The following NELL1 variants were observed in gnomAD, a reference collection of about 807,000 sequenced individuals.
NELL1 encodes protein kinase C-binding protein NELL1.
NELL1 carries 76 observed loss-of-function variants against 107.4 expected under a neutral mutation model. The ratio of observed to expected loss-of-function variants is 0.71; its 90% CI spans 0.59 to 0.86. The LOEUF (loss-of-function observed/expected upper bound fraction) is 0.86. Among genes scored for constraint, NELL1 ranks in the 40% least tolerant of loss-of-function variants. The pLI is 0.00. For synonymous variants in NELL1, 353 were observed against 341.2 expected (o/e 1.03, Z -0.38); for missense variants, 1,024 against 1,005.5 (o/e 1.02, Z -0.25).
rs1850762351 is a variant in NELL1 at position 20,937,956 on chromosome 11, G to C, written c.1071+97G>C. ...TTCTTGAGTGGGGCATATTGGCCTG[G>C]ATAGGGCCCCGAGGGGTGGAACTCT... On this transcript the variant is annotated intron_variant, in intron 10 of 19. Coordinates refer to ENST00000357134, the MANE Select transcript of NELL1 (RefSeq NM_006157.5). 5.0e-5 allele frequency: 58 copies of C among 1,171,268 alleles called. No individual in the cohort carries two copies. In the South Asian group the frequency reaches 7.1e-4, roughly 14 times the overall value. The allele number at this position is 1,171,268 out of a possible 1,614,324, so 72.6% of individuals were successfully genotyped here. A position where few individuals can be genotyped will look rare whatever the true frequency, so the allele number is the denominator to read the frequency against.
chr11:21,322,448 A>G (rs1002120621), intron 14 of NELL1, among the ~76,000 whole-genome samples: 3 of 152,156 alleles, frequency 2.0e-5, no homozygotes, highest in Non-Finnish European at 4.4e-5. Context: ...CTCCTACAAG[A>G]GTAGATTTTA....
intron 3 of NELL1, among the ~76,000 whole-genome samples, chr11:20,819,250 G>C (rs914868272): frequency 1.3e-5 from 2 of 152,208 alleles, no homozygotes; most frequent in East Asian, 3.8e-4. Context: ...TTTCAGTCTA[G>C]ATAAAAGCGG....
intron 15 of NELL1, among the ~76,000 whole-genome samples, chr11:21,396,255 T>C (rs1170528245): frequency 6.6e-6 from 1 of 151,568 alleles, no homozygotes; most frequent in African/African-American, 2.4e-5. Context: ...TTTTCTAATT[T>C]TCCAGTGCCA....
intron 17 of NELL1, among the ~76,000 whole-genome samples, chr11:21,568,889 G>GGAA (rs1386641316): frequency 1.5e-4 from 23 of 150,662 alleles, no homozygotes; most frequent in African/African-American, 5.6e-4. Context: ...TTTATAAGTA[G>GGAA]GAAGAATACA....
chr11:21,384,137 G>A (rs1851679146), intron 15 of NELL1, among the ~76,000 whole-genome samples: 1 of 151,856 alleles, frequency 6.6e-6, no homozygotes, highest in Non-Finnish European at 1.5e-5. Flanking sequence ...TCTAGATGAT[G>A]GCATAAAACC....
intron 16 of NELL1, among the ~76,000 whole-genome samples, chr11:21,550,994 G>T (rs1045390802): frequency 2.7e-5 from 4 of 150,590 alleles, no homozygotes; most frequent in African/African-American, 9.8e-5. Flanking sequence ...TCTTCCATTT[G>T]GTTTTATCCT....
chr11:20,972,387 T>G (rs1427994910), intron 12 of NELL1, among the ~76,000 whole-genome samples: 2 of 151,898 alleles, frequency 1.3e-5, no homozygotes, highest in African/African-American at 4.8e-5. Context: ...GGCTAATTCT[T>G]GGAGTTAGCA....
chr11:21,519,546 T>G (rs531837201), intron 15 of NELL1, among the ~76,000 whole-genome samples: 1 of 11,996 alleles, frequency 8.3e-5, no homozygotes, highest in Non-Finnish European at 7.1e-4. Flanking sequence ...TTGTTTTTTG[T>G]TTTTTTTTTT....
At chr11:21,040,712 A>G (rs1305523052) in intron 12 of NELL1, among the ~76,000 whole-genome samples, 2 of 152,144 alleles carry the variant, frequency 1.3e-5, no homozygotes, top group Non-Finnish European at 2.9e-5. Flanking sequence ...AGTTCATCCA[A>G]TTTCAGTAGT....
intron 4 of NELL1, among the ~76,000 whole-genome samples, chr11:20,866,158 G>A (rs1466166913): frequency 1.3e-5 from 2 of 152,218 alleles, no homozygotes; most frequent in Admixed American, 6.5e-5. Flanking sequence ...TGCGCAAGGA[G>A]CTTGAAGTGG....
intron 15 of NELL1, among the ~76,000 whole-genome samples, chr11:21,474,418 T>A (rs1364457455): frequency 6.6e-6 from 1 of 152,092 alleles, no homozygotes; most frequent in African/African-American, 2.4e-5. Context: ...CAGGGACTTT[T>A]ATCTTGCTTG....
intron 3 of NELL1, among the ~76,000 whole-genome samples, chr11:20,796,965 A>AGATGAGG (rs1244859113): frequency 2.7e-4 from 41 of 152,198 alleles, no homozygotes; most frequent in African/African-American, 9.9e-4. Flanking sequence ...AAGAGGTGAG[A>AGATGAGG]GATGAGGGAT....
chr11:21,350,903 C>CTCA (rs1458934921), intron 14 of NELL1, among the ~76,000 whole-genome samples: 2 of 152,106 alleles, frequency 1.3e-5, no homozygotes, highest in Non-Finnish European at 2.9e-5. Flanking sequence ...AGTCCTAACC[C>CTCA]TCATTACTTA....
intron 15 of NELL1, among the ~76,000 whole-genome samples, chr11:21,514,108 A>G (rs925720556): frequency 6.6e-6 from 1 of 152,264 alleles, no homozygotes; most frequent in Non-Finnish European, 1.5e-5. Flanking sequence ...TCATTTAGTT[A>G]GCACAGAAAA....
chr11:21,463,874 T>G (rs1191560373), intron 15 of NELL1, among the ~76,000 whole-genome samples: 1 of 152,072 alleles, frequency 6.6e-6, no homozygotes, highest in Non-Finnish European at 1.5e-5. Flanking sequence ...GGATGTGACT[T>G]GAATGGCTGA....
At chr11:21,351,971 T>C (rs138565010) in intron 14 of NELL1, among the ~76,000 whole-genome samples, 7 of 152,302 alleles carry the variant, frequency 4.6e-5, no homozygotes, top group African/African-American at 1.7e-4. Flanking sequence ...AATTTTCTGT[T>C]ACCGTCTCCT....
At chr11:21,208,930 G>A (rs183740560) in intron 13 of NELL1, among the ~76,000 whole-genome samples, 111 of 152,244 alleles carry the variant, frequency 7.3e-4, no homozygotes, top group African/African-American at 2.6e-3. Flanking sequence ...AAAGATCTCA[G>A]CACCTGAGCT....
At chr11:21,335,005 A>C (rs1590846655) in intron 14 of NELL1, among the ~76,000 whole-genome samples, 1 of 152,138 alleles carries the variant, frequency 6.6e-6, no homozygotes, top group South Asian at 2.1e-4. Flanking sequence ...CAACAGAATT[A>C]GAGGCATGGT....
At chr11:21,277,191 C>A (rs1848884370) in intron 14 of NELL1, among the ~76,000 whole-genome samples, 4 of 152,180 alleles carry the variant, frequency 2.6e-5, no homozygotes, top group Admixed American at 2.6e-4. Context: ...TGAACTCAAA[C>A]AAATCTACAA....
Sources: gnomAD v4.1 joint callset for allele counts (sites outside exome capture counted in the v4.1 genomes callset) on GRCh38, gnomAD v4.1.1 for gene constraint, MANE v1.5 for transcripts, NCBI Gene and HGNC (gene_info 2026-07-23, HGNC 2026-07-21) for gene names.